The following MPDZ variants were observed in gnomAD, a reference collection of about 807,000 sequenced individuals.
The protein encoded by MPDZ is multiple PDZ domain protein.
In MPDZ, 234 loss-of-function variants were observed where a neutral mutation model predicts 239.1. The ratio of observed to expected loss-of-function variants is 0.98; its 90% confidence interval spans 0.88 to 1.09. The LOEUF (loss-of-function observed/expected upper bound fraction) is 1.09. MPDZ is among the 50% of genes least tolerant of loss of function. The probability of loss-of-function intolerance (pLI) is 0.00; values close to 1 mark genes in which losing one functional copy is unlikely to be tolerated. For synonymous variants in MPDZ, 1,048 were observed against 881.3 expected (o/e 1.19, Z -3.35); for missense variants, 3,175 against 2,510.0 (o/e 1.26, Z -5.66).
At position 13,143,509 on chromosome 9, in the gene MPDZ, C is replaced by A. The variant is rs1437124159; in HGVS notation, c.3797G>T (p.Ser1266Ile). The change falls in exon 27 of 47, where the codon AGC becomes ATC. Residue 1266 changes from serine (S) to isoleucine (I), a missense_variant. Coordinates refer to ENST00000319217, the MANE Select transcript of MPDZ (RefSeq NM_001378778.1). The stretch of plus-strand genomic sequence containing the variant: ...TAGAGAGTCAGCAAATGGGTTAGTG[C>A]TGCTGAAGTTGTACTTAGGGTAAAG... The part of the protein sequence containing the change: ...HNLYPKYNFS[S>I]TNPFADSLQI... 1.2e-6 allele frequency: 2 copies of A among 1,612,962 alleles called. No individual in the cohort carries two copies. Among genetic ancestry groups the A allele is most frequent in the Middle Eastern group, 1.6e-4 (1 of 6,078 alleles).
At chr9:13,279,341 C>G (rs1482264677) in intron 1 of MPDZ, 59 bp downstream of exon 1, 1 of 141,512 alleles carries the variant, frequency 7.1e-6, no homozygotes, top group Non-Finnish European at 1.6e-5. Flanking sequence ...CCCGCCGGCG[C>G]GCGCGCAGGG....
Position 13,247,721 on chromosome 9 carries a change from G to C in MPDZ, c.97C>G (p.Leu33Val). The change falls in exon 3 of 47, where the codon CTG (leucine) becomes GTG (valine). Residue 33 changes from leucine (L) to valine (V), a missense_variant. Coordinates refer to ENST00000319217, the MANE Select transcript of MPDZ (RefSeq NM_001378778.1). Reference protein sequence around the residue: ...ERGDVANEDKLSLLKSVLQSP... With the variant: ...ERGDVANEDKVSLLKSVLQSP... ...TGCAGGACTGACTTCAGAAGGCTCA[G>C]TTTGTCTTCATTTGCTACATCCCCA... 1.2e-6 allele frequency: 2 copies of C among 1,613,612 alleles called. No homozygotes were observed. Among genetic ancestry groups the C allele is most frequent in the Non-Finnish European group, 1.7e-6 (2 of 1,179,666 alleles).
At position 13,121,734 on chromosome 9, in the gene MPDZ, C is replaced by A; in HGVS notation, c.5231+5G>T. ...GAGCATTGGGTTTGTCCTCCTCAATCACACCTTTTACCAACAATACTTAAT... is the reference window on the plus strand; with the variant it reads ...GAGCATTGGGTTTGTCCTCCTCAATAACACCTTTTACCAACAATACTTAAT... On this transcript the variant is annotated splice_donor_5th_base_variant and intron_variant, in intron 38 of 46. Transcript: ENST00000319217. The A allele has an allele frequency of 1.9e-6, 3 of 1,613,780 alleles. No individual in the cohort carries two copies. The highest frequency in any genetic ancestry group is 2.5e-6 in the Non-Finnish European group (3 of 1,179,748).
chr9:13,223,340 T>C (rs1959380304), intron 5 of MPDZ, among the ~76,000 whole-genome samples: 1 of 151,996 alleles, frequency 6.6e-6, no homozygotes, highest in Non-Finnish European at 1.5e-5. Context: ...TATCCTCAAA[T>C]TTTTCTTTCC....
intron 21 of MPDZ, among the ~76,000 whole-genome samples, chr9:13,174,976 T>G (rs1233753282): frequency 6.6e-6 from 1 of 152,108 alleles, no homozygotes; most frequent in Admixed American, 6.6e-5. Flanking sequence ...AAGACGTCAG[T>G]GTAACGGGTA....
intron 12 of MPDZ, among the ~76,000 whole-genome samples, chr9:13,204,399 C>A (rs1311204191): frequency 2.0e-5 from 3 of 151,968 alleles, no homozygotes; most frequent in Non-Finnish European, 1.5e-5. Flanking sequence ...ATCAGCCTGG[C>A]CAACATGGCG....
rs545578663 is a variant in MPDZ at position 13,121,650 on chromosome 9, A to G, written c.5231+89T>C. The G allele has an allele frequency of 8.0e-6, 11 of 1,381,916 alleles. No homozygotes were observed. The South Asian group carries it at 1.2e-4, about 15-fold the overall frequency. The allele number at this position is 1,381,916 out of a possible 1,614,324, so 85.6% of individuals were successfully genotyped here. A position where few individuals can be genotyped will look rare whatever the true frequency, so the allele number is the denominator to read the frequency against. On this transcript the variant is annotated intron_variant, in intron 38 of 46. Coordinates refer to ENST00000319217, the MANE Select transcript of MPDZ (RefSeq NM_001378778.1). ...TACCTACTGAACACTAGCCACTGAT[A>G]AAAGATTCACCTACTGCTATTACTC...
rs746360632 is a variant in MPDZ, at chr9:13,125,321, G to A, written c.4702C>T (p.Gln1568Ter). Residue 1568 changes from glutamine (Q) to a stop codon, truncating the protein, a stop_gained, in exon 35 of 47, where the codon CAG (glutamine) becomes TAG (stop). Transcript: ENST00000319217. LOFTEE classifies it high-confidence loss of function. ...GCACCAGCTGCTGAAGGAACAGCCT[G>A]GGAATCTGGATTCTCAGCATGGATG... ...LTIHAENPDS[Q>*]AVPSAAGAAS... The A allele has an allele frequency of 7.4e-6, 12 of 1,613,724 alleles. No individual in the cohort carries two copies. The East Asian group carries it at 2.5e-4, about 33-fold the overall frequency.
At chr9:13,164,088 T>C (rs966586766) in intron 22 of MPDZ, among the ~76,000 whole-genome samples, 1 of 152,148 alleles carries the variant, frequency 6.6e-6, no homozygotes, top group African/African-American at 2.4e-5. Context: ...GTGAGTGCTA[T>C]CACAGGTCAT....
chr9:13,114,877 G>A lies in MPDZ; in HGVS notation c.5466+371C>T, dbSNP rs533212274. On this transcript the variant is annotated intron_variant, in intron 40 of 46. Transcript: ENST00000319217. Reference sequence around the variant, plus strand: ...ATTGTGCCACTGCACTCCAGCCTGGGTGACAGAGCGAGACTCTGTCTCAAA... The same window carrying A: ...ATTGTGCCACTGCACTCCAGCCTGGATGACAGAGCGAGACTCTGTCTCAAA... Among the ~76,000 whole-genome samples the A allele has an allele frequency of 3.1e-4, 47 of 152,016 alleles. 1 individual carries two copies. The East Asian group carries it at 6.0e-3, about 19-fold the overall frequency.
intron 25 of MPDZ, among the ~76,000 whole-genome samples, chr9:13,150,090 A>T (rs188963792): frequency 2.0e-5 from 3 of 152,078 alleles, no homozygotes; most frequent in Non-Finnish European, 4.4e-5. Flanking sequence ...GTACATATAC[A>T]TATATTGTAT....
chr9:13,127,240 C>G (rs577957011), intron 32 of MPDZ, among the ~76,000 whole-genome samples: 12 of 152,280 alleles, frequency 7.9e-5, no homozygotes, highest in Admixed American at 6.5e-4. Context: ...TCTGCCATTA[C>G]TGATGCAGAC....
At position 13,190,246 on chromosome 9, in the gene MPDZ, C is replaced by A; in HGVS notation, c.2022G>T (p.Val674=). ...FIGSSETEDP[V]LAMTDAGQST... ...TCTGACCCGCATCAGTCATCGCCAG[C>A]ACTGGATCCTCTGTCTCTGATGACC... Residue 674 remains valine, a synonymous_variant, in exon 16 of 47, where the codon GTG becomes GTT. Coordinates refer to ENST00000319217, the MANE Select transcript of MPDZ (RefSeq NM_001378778.1). 1 of 1,611,612 alleles carries A rather than the reference C, an allele frequency of 6.2e-7. No homozygotes were observed.
chr9:13,238,161 G>C (rs886803139), intron 3 of MPDZ, among the ~76,000 whole-genome samples: 1 of 152,180 alleles, frequency 6.6e-6, no homozygotes, highest in Non-Finnish European at 1.5e-5. Flanking sequence ...AAACAACCAA[G>C]CTGTAAGCTT....
intron 46 of MPDZ, 144 bp from the exon 47 acceptor site, chr9:13,107,255 T>A: frequency 1.2e-6 from 1 of 813,368 alleles, no homozygotes; most frequent in Non-Finnish European, 1.8e-6. Context: ...TCTAAGCCAT[T>A]AAGCAATGAT....
At position 13,215,377 on chromosome 9, in the gene MPDZ, T is replaced by C. The variant is rs1340631440; in HGVS notation, c.1290+1397A>G. On this transcript the variant is annotated intron_variant, in intron 10 of 46. Transcript: ENST00000319217. The stretch of plus-strand genomic sequence containing the variant: ...ATATATATCAATATGTGTGTATATA[T>C]AGCAATATGTGTCTATATATCTATA... Among the ~76,000 whole-genome samples, 6 of 151,416 alleles carry C rather than the reference T, an allele frequency of 4.0e-5. No individual in the cohort carries two copies. The East Asian group carries it at 9.7e-4, about 25-fold the overall frequency.
intron 1 of MPDZ, among the ~76,000 whole-genome samples, chr9:13,264,653 A>AT (rs1336363196): frequency 6.7e-6 from 1 of 150,298 alleles, no homozygotes; most frequent in Non-Finnish European, 1.5e-5. Flanking sequence ...CTCACCCATA[A>AT]TTTAAAAAAA....
At chr9:13,252,625 A>G (rs1315253013) in intron 1 of MPDZ, among the ~76,000 whole-genome samples, 1 of 151,260 alleles carries the variant, frequency 6.6e-6, no homozygotes, top group Admixed American at 6.6e-5. Context: ...AATCCCAGCA[A>G]ATAACTTGAG....
intron 1 of MPDZ, among the ~76,000 whole-genome samples, chr9:13,270,006 AT>A (rs1972605055): frequency 6.6e-6 from 1 of 152,220 alleles, no homozygotes; most frequent in South Asian, 2.1e-4. Context: ...ACCATATGTA[AT>A]TCTATAGGAT....
Sources: allele counts gnomAD v4.1 joint callset (sites outside exome capture counted in the v4.1 genomes callset), GRCh38; gene constraint gnomAD v4.1.1; transcripts MANE v1.5; gene names NCBI Gene and HGNC (gene_info 2026-07-23, HGNC 2026-07-21).